PTPRU: variants seen among roughly 807,000 people sequenced by gnomAD.
The protein encoded by PTPRU is protein tyrosine phosphatase receptor type U.
PTPRU carries 69 observed loss-of-function variants against 166.3 expected under a neutral mutation model. The observed-to-expected ratio is 0.41, with a 90% CI of 0.34 to 0.51. The LOEUF (loss-of-function observed/expected upper bound fraction) is 0.51, where lower values mean the gene tolerates loss of function less well. PTPRU is among the 20% of genes least tolerant of loss of function. The pLI is 0.09. For synonymous variants in PTPRU, 793 were observed against 814.0 expected, an observed-to-expected ratio of 0.97 and a Z score of 0.44; for missense variants, 1,657 against 2,013.7, an observed-to-expected ratio of 0.82 and a Z score of 3.39.
At chr1:29,269,244 ATATTTTTTTTTTTTT>A (rs1350817598) in intron 7 of PTPRU, among the ~76,000 whole-genome samples, 4 of 27,608 alleles carry the variant, frequency 1.4e-4, no homozygotes, top group Admixed American at 8.1e-4. Context: ...ATATATATAT[ATATTTTTTTTTTTTT>A]TTTTTTTTTT....
rs374665975 is a variant in PTPRU, at chr1:29,259,526, G to C, written c.637G>C (p.Ala213Pro). 17 of 1,608,654 alleles carry C rather than the reference G, an allele frequency of 1.1e-5. No individual in the cohort carries two copies. Among genetic ancestry groups the C allele is most frequent in the Non-Finnish European group, 1.4e-5 (17 of 1,176,922 alleles). Residue 213 changes from alanine (A) to proline (P), a missense_variant, in exon 5 of 30, where the codon GCG becomes CCG. Physicochemically the swap from Ala to Pro is conservative, Grantham distance 27. This residue lies in a region of PTPRU where 453 missense variants were observed against 496.9 expected (regional missense o/e 0.91). Transcript: ENST00000373779. Reference protein sequence around the residue: ...GQNASFQCMAAGRAAEAERFL... With the variant: ...GQNASFQCMAPGRAAEAERFL... ...GAACGCGTCGTTCCAGTGCATGGCC[G>C]CGGGCAGAGCGGCCGAGGCCGAACG... is the stretch of plus-strand genomic sequence containing the variant.
At position 29,320,967 on chromosome 1, in the gene PTPRU, C is replaced by T; in HGVS notation, c.3828+142C>T. 2.1e-6 allele frequency: 2 copies of T among 963,750 alleles called. No individual in the cohort carries two copies. Among genetic ancestry groups the T allele is most frequent in the Non-Finnish European group, 2.8e-6 (2 of 705,670 alleles). 59.7% of individuals were successfully genotyped at this position (963,750 alleles called of 1,614,324 possible). A position where few individuals can be genotyped will look rare whatever the true frequency, so the allele number is the denominator to read the frequency against. On this transcript the variant is annotated intron_variant, in intron 26 of 29. Transcript: ENST00000373779. The surrounding 1 kb of genome is among the most constrained non-coding windows in gnomAD (Gnocchi z 5.2). ...TGATGAATCATACACCTTCCCAGAG[C>T]CTCAGTTTCTTCATCTGTAAAACAA...
intron 1 of PTPRU, among the ~76,000 whole-genome samples, chr1:29,248,949 A>G (rs1384203841): frequency 2.0e-5 from 3 of 152,096 alleles, no homozygotes. Context: ...CACTCACGCA[A>G]CTGCAACCGG....
intron 14 of PTPRU, among the ~76,000 whole-genome samples, chr1:29,289,222 G>T (rs1686503874): frequency 6.6e-6 from 1 of 152,166 alleles, no homozygotes; most frequent in Admixed American, 6.5e-5. Flanking sequence ...TCTAATGTGT[G>T]TGTGTGTGTG....
intron 17 of PTPRU, 100 bp from the exon 18 acceptor site, chr1:29,305,252 C>A: frequency 8.5e-7 from 1 of 1,179,014 alleles, no homozygotes; most frequent in Non-Finnish European, 1.2e-6. Flanking sequence ...CCCTGGCTGC[C>A]CTGCCTGTGC....
Position 29,237,898 on chromosome 1 carries a change from C to T in PTPRU, c.73+1181C>T, listed in dbSNP as rs1384665742. On this transcript the variant is annotated intron_variant, in intron 1 of 29. Coordinates refer to ENST00000373779, the MANE Select transcript of PTPRU (RefSeq NM_133178.4). This position sits in a 1 kb window ranked among gnomAD's most constrained non-coding sequence, Gnocchi z 6.4. ...CGGCCGGGCGGGGGCTGTCCCCGGG[C>T]TGGGCTGCGACGTCCGGGCGCGGGC... Among the ~76,000 whole-genome samples, 1 of 147,858 alleles carries T rather than the reference C, an allele frequency of 6.8e-6. No individual in the cohort carries two copies. The highest frequency in any genetic ancestry group is 1.5e-5 in the Non-Finnish European group (1 of 66,576).
At chr1:29,264,378 C>T (rs2151946835) in intron 7 of PTPRU, among the ~76,000 whole-genome samples, 1 of 151,936 alleles carries the variant, frequency 6.6e-6, no homozygotes, top group South Asian at 2.1e-4. Context: ...ATTGCCTAAT[C>T]CACAGTCATG....
intron 26 of PTPRU, among the ~76,000 whole-genome samples, chr1:29,322,628 T>C (rs1422252842): frequency 1.3e-5 from 2 of 151,888 alleles, no homozygotes; most frequent in African/African-American, 2.4e-5. Context: ...TCAGAGGGGA[T>C]TGATGAGCAC....
Position 29,323,627 on chromosome 1 carries a change from C to T in PTPRU, c.3955-4C>T, listed in dbSNP as rs1327518921. 6.2e-7 allele frequency: 1 copy of T among 1,613,874 alleles called. No individual in the cohort carries two copies. Among genetic ancestry groups the T allele is most frequent in the Admixed American group, 1.7e-5 (1 of 60,008 alleles). On this transcript the variant is annotated splice_polypyrimidine_tract_variant and splice_region_variant and intron_variant, in intron 27 of 29. Coordinates refer to ENST00000373779, the MANE Select transcript of PTPRU (RefSeq NM_133178.4). ...CCTCCCTGGCTGGCTGCCCCTGTCC[C>T]CAGTTGCAGGAGGGGCACCTGCTGG...
chr1:29,268,064 A>G (rs79883140), intron 7 of PTPRU, among the ~76,000 whole-genome samples: 5,248 of 152,284 alleles, frequency 0.034, 306 homozygotes, highest in African/African-American at 0.12. Flanking sequence ...TGGAGCTGTC[A>G]TTTCCTGGAG....
intron 8 of PTPRU, among the ~76,000 whole-genome samples, chr1:29,276,437 TC>T (rs1037716761): frequency 7.9e-5 from 12 of 152,204 alleles, no homozygotes; most frequent in African/African-American, 2.4e-4. Context: ...TACCTCAGCC[TC>T]CCAAGTAGCT....
At chr1:29,319,886 G>A (rs962797396) in intron 25 of PTPRU, among the ~76,000 whole-genome samples, 1 of 152,156 alleles carries the variant, frequency 6.6e-6, no homozygotes, top group Non-Finnish European at 1.5e-5. Flanking sequence ...CACCAGGGGA[G>A]GCTGGGAGCT....
At chr1:29,267,075 C>T (rs1685335962) in intron 7 of PTPRU, among the ~76,000 whole-genome samples, 2 of 152,100 alleles carry the variant, frequency 1.3e-5, no homozygotes, top group South Asian at 2.1e-4. Context: ...ACAACAGCAA[C>T]AATAATTAGC....
chr1:29,305,205 GC>G, intron 17 of PTPRU, 146 bp from the exon 18 acceptor site: 1 of 730,498 alleles, frequency 1.4e-6, no homozygotes. Context: ...CTCCCATGGT[GC>G]CCAGAGACTA....
chr1:29,255,396 C>G lies in PTPRU; in HGVS notation c.195C>G (p.Asp65Glu). The change falls in exon 2 of 30, where the codon GAC (aspartate) becomes GAG (glutamate). Residue 65 changes from aspartate (D) to glutamate (E), a missense_variant. This residue lies in a region of PTPRU where 453 missense variants were observed against 496.9 expected (regional missense o/e 0.91). Coordinates refer to ENST00000373779, the MANE Select transcript of PTPRU (RefSeq NM_133178.4). ...RIHPGTRAPA[D>E]LPHGSYLMVN... ...ACCCTGGCACCCGGGCACCTGCGGA[C>G]CTGCCCCACGGTAAGTCTACTCTCC... The G allele has an allele frequency of 6.2e-7, 1 of 1,614,152 alleles. No homozygotes were observed.
At chr1:29,290,459 ACTCTGTCTTCTCT>A (rs1686575321) in intron 14 of PTPRU, among the ~76,000 whole-genome samples, 1 of 152,206 alleles carries the variant, frequency 6.6e-6, no homozygotes, top group Admixed American at 6.5e-5. Flanking sequence ...TGCCGATGCT[ACTCTGTCTTCTCT>A]CTCTGTCTTC....
At chr1:29,301,397 TA>T (rs1249807499) in intron 15 of PTPRU, among the ~76,000 whole-genome samples, 4 of 152,318 alleles carry the variant, frequency 2.6e-5, no homozygotes, top group African/African-American at 9.6e-5. Context: ...TTGTCAGTTG[TA>T]AAAAAGTCTA....
At chr1:29,318,304 T>C (rs1013947491) in intron 25 of PTPRU, among the ~76,000 whole-genome samples, 2 of 152,236 alleles carry the variant, frequency 1.3e-5, no homozygotes, top group Non-Finnish European at 2.9e-5. Flanking sequence ...AGCTGGAGTC[T>C]GCTCCAGGAC....
intron 7 of PTPRU, among the ~76,000 whole-genome samples, chr1:29,264,260 GATTAT>G (rs1371692664): frequency 2.0e-5 from 3 of 151,786 alleles, no homozygotes; most frequent in Non-Finnish European, 4.4e-5. Flanking sequence ...CCATTCTGTG[GATTAT>G]ATTTTCTTTT....
Sources: gnomAD v4.1 joint callset for allele counts (sites outside exome capture counted in the v4.1 genomes callset) on GRCh38, gnomAD v4.1.1 for gene constraint, gnomAD v4.1.1 regional missense constraint, Gnocchi (gnomAD v3.1) non-coding constraint, MANE v1.5 for transcripts, NCBI Gene and HGNC (gene_info 2026-07-23, HGNC 2026-07-21) for gene names.